ROBO1: variants seen among roughly 807,000 people sequenced by gnomAD.
The protein encoded by ROBO1 is roundabout guidance receptor 1.
ROBO1 carries 149 observed loss-of-function variants against 195.9 expected under a neutral mutation model. That is an observed-to-expected ratio of 0.76 (90% CI 0.67 to 0.87). The LOEUF is 0.87. Among genes scored for constraint, ROBO1 ranks in the 40% least tolerant of loss-of-function variants. The pLI is 0.00. For synonymous variants in ROBO1, 816 were observed against 733.2 expected, an observed-to-expected ratio of 1.11 and a Z score of -1.82; for missense variants, 1,933 against 2,068.3, an observed-to-expected ratio of 0.93 and a Z score of 1.27.
intron 3 of ROBO1, among the ~76,000 whole-genome samples, chr3:79,041,078 C>T (rs1402798297): frequency 6.6e-6 from 1 of 152,126 alleles, no homozygotes; most frequent in Non-Finnish European, 1.5e-5. Flanking sequence ...GCTTCTCTCG[C>T]AATTTTTCAT....
intron 3 of ROBO1, among the ~76,000 whole-genome samples, chr3:79,029,552 A>T (rs2078257819): frequency 6.6e-6 from 1 of 152,202 alleles, no homozygotes; most frequent in Non-Finnish European, 1.5e-5. Flanking sequence ...ATTTTCCAAT[A>T]ATAGTAACTT....
chr3:79,151,064 T>C (rs2080759921), intron 2 of ROBO1, among the ~76,000 whole-genome samples: 1 of 151,792 alleles, frequency 6.6e-6, no homozygotes, highest in Non-Finnish European at 1.5e-5. Flanking sequence ...TCATGAGATC[T>C]GATGGTTTTA....
intron 2 of ROBO1, among the ~76,000 whole-genome samples, chr3:79,222,415 T>C (rs1401168919): frequency 6.6e-6 from 1 of 152,090 alleles, no homozygotes; most frequent in Non-Finnish European, 1.5e-5. Flanking sequence ...TTATTCTTCA[T>C]TAGGCTGAAA....
At chr3:79,576,544 A>C (rs1185439186) in intron 2 of ROBO1, among the ~76,000 whole-genome samples, 4 of 152,122 alleles carry the variant, frequency 2.6e-5, no homozygotes, top group Non-Finnish European at 1.5e-5. Context: ...AAACAAAACA[A>C]AGAAAAAAAA....
chr3:79,363,255 T>C (rs550097557), intron 2 of ROBO1, among the ~76,000 whole-genome samples: 1 of 152,198 alleles, frequency 6.6e-6, no homozygotes, highest in African/African-American at 2.4e-5. Flanking sequence ...GAAACAGCTG[T>C]GATTTCTTTC....
At chr3:79,109,623 G>A (rs968026138) in intron 3 of ROBO1, among the ~76,000 whole-genome samples, 2 of 151,910 alleles carry the variant, frequency 1.3e-5, no homozygotes, top group Non-Finnish European at 2.9e-5. Context: ...TATATCATCT[G>A]TAAATCTAAA....
At chr3:78,936,020 T>A (rs939199611) in intron 4 of ROBO1, among the ~76,000 whole-genome samples, 2 of 152,086 alleles carry the variant, frequency 1.3e-5, no homozygotes, top group East Asian at 3.9e-4. Context: ...TTAACCAATA[T>A]CTGCACTGAG....
At chr3:78,717,205 T>G in intron 7 of ROBO1, 70 bp downstream of exon 7, 7 of 1,455,154 alleles carry the variant, frequency 4.8e-6, no homozygotes, top group Non-Finnish European at 6.4e-6. Flanking sequence ...GGCCCGGATG[T>G]GGAGATGATG....
intron 1 of ROBO1, among the ~76,000 whole-genome samples, chr3:79,673,596 T>C (rs1374616529): frequency 3.3e-5 from 5 of 152,060 alleles, no homozygotes; most frequent in East Asian, 3.9e-4. Context: ...AGGTTGAGCA[T>C]TGAGAAAAAG....
At chr3:79,396,690 A>G (rs1470122975) in intron 2 of ROBO1, among the ~76,000 whole-genome samples, 1 of 152,140 alleles carries the variant, frequency 6.6e-6, no homozygotes, top group East Asian at 1.9e-4. Flanking sequence ...GATCCATTGT[A>G]AATGTTAGCT....
At chr3:79,466,491 TAA>T (rs1937965603) in intron 2 of ROBO1, among the ~76,000 whole-genome samples, 1 of 152,212 alleles carries the variant, frequency 6.6e-6, no homozygotes, top group Non-Finnish European at 1.5e-5. Context: ...GCTTTTTATT[TAA>T]GAGTACAATG....
intron 2 of ROBO1, among the ~76,000 whole-genome samples, chr3:79,162,966 A>C (rs1376594982): frequency 1.3e-5 from 2 of 152,048 alleles, no homozygotes; most frequent in Non-Finnish European, 2.9e-5. Context: ...TTTTGTCTCC[A>C]TTATCTTGTT....
chr3:79,168,507 A>G (rs2081110171), intron 2 of ROBO1, among the ~76,000 whole-genome samples: 1 of 151,980 alleles, frequency 6.6e-6, no homozygotes, highest in Non-Finnish European at 1.5e-5. Flanking sequence ...CCCTAATATC[A>G]CCACTCTGGC....
chr3:79,765,647 C>CT (rs1300367518), intron 1 of ROBO1, among the ~76,000 whole-genome samples: 2 of 152,060 alleles, frequency 1.3e-5, no homozygotes, highest in Non-Finnish European at 2.9e-5. Context: ...GGATTTTCAA[C>CT]TTTTTTTTGT....
chr3:79,610,131 T>G (rs1944611459), intron 1 of ROBO1, among the ~76,000 whole-genome samples: 1 of 151,924 alleles, frequency 6.6e-6, no homozygotes. Context: ...ATTAGAAAAC[T>G]TCTGATCATC....
intron 2 of ROBO1, among the ~76,000 whole-genome samples, chr3:79,551,736 T>C (rs967332445): frequency 6.6e-6 from 1 of 151,954 alleles, no homozygotes; most frequent in Non-Finnish European, 1.5e-5. Flanking sequence ...TACTTCATCA[T>C]GTCATTTATG....
chr3:79,191,589 G>T (rs1031359565), intron 2 of ROBO1, among the ~76,000 whole-genome samples: 4 of 151,118 alleles, frequency 2.6e-5, no homozygotes, highest in Admixed American at 2.0e-4. Context: ...CACACATATT[G>T]TATGAGTGAG....
intron 2 of ROBO1, among the ~76,000 whole-genome samples, chr3:79,424,252 A>G (rs941106632): frequency 6.6e-6 from 1 of 152,126 alleles, no homozygotes; most frequent in Non-Finnish European, 1.5e-5. Flanking sequence ...TCTGATCTAG[A>G]TTATTCAGGG....
chr3:78,981,051 G>A (rs749817079), intron 3 of ROBO1, among the ~76,000 whole-genome samples: 25 of 152,048 alleles, frequency 1.6e-4, no homozygotes, highest in Non-Finnish European at 3.1e-4. Flanking sequence ...ATATGAAATA[G>A]ATATTACTGT....
Sources: allele counts gnomAD v4.1 joint callset (sites outside exome capture counted in the v4.1 genomes callset), GRCh38; gene constraint gnomAD v4.1.1; transcripts MANE v1.5; gene names NCBI Gene and HGNC (gene_info 2026-07-23, HGNC 2026-07-21).